The following PID1 variants were observed in gnomAD, a reference collection of about 807,000 sequenced individuals.
PID1 encodes the protein PTB-containing, cubilin and LRP1-interacting protein.
PID1 carries 10 observed loss-of-function variants against 19.1 expected under a neutral mutation model. The observed-to-expected ratio is 0.52, with a 90% CI of 0.32 to 0.89. The LOEUF is 0.89. Among genes scored for constraint, PID1 ranks in the 40% least tolerant of loss-of-function variants. The pLI is 0.03. For synonymous variants in PID1, 130 were observed against 116.0 expected (o/e 1.12, Z -0.78); for missense variants, 248 against 285.3 (o/e 0.87, Z 0.94).
chr2:229,175,836 G>A (rs781031559), intron 1 of PID1, among the ~76,000 whole-genome samples: 15 of 152,036 alleles, frequency 9.9e-5, no homozygotes, highest in Non-Finnish European at 1.6e-4. Flanking sequence ...GCATCCATTC[G>A]CCACATTTAA....
chr2:229,133,409 C>T (rs1487700601), intron 2 of PID1, among the ~76,000 whole-genome samples: 3 of 152,244 alleles, frequency 2.0e-5, no homozygotes, highest in East Asian at 1.9e-4. Flanking sequence ...AGTCCTCCTA[C>T]GGCAATCACC....
intron 1 of PID1, among the ~76,000 whole-genome samples, chr2:229,200,689 T>C (rs1691480959): frequency 6.6e-6 from 1 of 152,082 alleles, no homozygotes; most frequent in South Asian, 2.1e-4. Context: ...TTTTTCATGA[T>C]TTAATTTACC....
At chr2:229,105,171 T>G (rs1276576080) in intron 2 of PID1, among the ~76,000 whole-genome samples, 2 of 152,206 alleles carry the variant, frequency 1.3e-5, no homozygotes, top group Admixed American at 6.5e-5. Context: ...ATCACATAAT[T>G]TATCTCCATT....
intron 2 of PID1, among the ~76,000 whole-genome samples, chr2:229,121,266 A>G (rs531339530): frequency 5.6e-4 from 85 of 152,306 alleles, no homozygotes; most frequent in African/African-American, 2.0e-3. Flanking sequence ...GGTCTCAGAC[A>G]GTAATTTTTG....
intron 2 of PID1, among the ~76,000 whole-genome samples, chr2:229,127,975 T>C (rs1695657796): frequency 6.6e-6 from 1 of 152,176 alleles, no homozygotes; most frequent in Non-Finnish European, 1.5e-5. Flanking sequence ...TCAAGAACAT[T>C]TGCTTCCTTC....
chr2:229,200,457 C>T (rs990361635), intron 1 of PID1, among the ~76,000 whole-genome samples: 4 of 152,006 alleles, frequency 2.6e-5, no homozygotes, highest in African/African-American at 9.7e-5. Context: ...CCTCCTCTGC[C>T]TGTTGAGTTA....
chr2:229,124,980 T>C (rs982228361), intron 2 of PID1, among the ~76,000 whole-genome samples: 1 of 152,230 alleles, frequency 6.6e-6, no homozygotes, highest in Admixed American at 6.5e-5. Context: ...TAAATGTCTA[T>C]ACGTGTGTGA....
chr2:229,078,095 T>A lies in PID1; in HGVS notation c.178-51987A>T, dbSNP rs551575217. 1.7e-3 allele frequency among the ~76,000 whole-genome samples: 260 copies of A among 152,298 alleles called. 1 individual carries two copies. Among genetic ancestry groups the A allele is most frequent in the African/African-American group, 6.1e-3 (252 of 41,566 alleles). ...ATGTCCTTGAGCAGTGGTTTGTAGT[T>A]CTCCTTGAAGGGGACCTTCACATCC... On this transcript the variant is annotated intron_variant, in intron 2 of 2. Coordinates refer to ENST00000392055, the MANE Select transcript of PID1 (RefSeq NM_001100818.2).
At chr2:229,193,778 T>A (rs1691314281) in intron 1 of PID1, among the ~76,000 whole-genome samples, 1 of 150,502 alleles carries the variant, frequency 6.6e-6, no homozygotes, top group African/African-American at 2.4e-5. Context: ...ATCGTAGCCT[T>A]ATTGGGAAAA....
chr2:229,033,678 TA>T lies in PID1; in HGVS notation c.178-7571del, dbSNP rs1483645065. The stretch of plus-strand genomic sequence containing the variant: ...CATGTATCCCAGAACTGAAATATAA[TA>T]AAAAAATTAAAAAAATATTTTACTG... On this transcript the variant is annotated intron_variant, in intron 2 of 2. Transcript: ENST00000392055. Among the ~76,000 whole-genome samples the T allele has an allele frequency of 3.3e-5, 5 of 152,110 alleles. No homozygotes were observed. The East Asian group carries it at 9.7e-4, about 29-fold the overall frequency.
At chr2:229,032,105 C>G (rs1693566982) in intron 2 of PID1, among the ~76,000 whole-genome samples, 1 of 152,116 alleles carries the variant, frequency 6.6e-6, no homozygotes, top group South Asian at 2.1e-4. Context: ...AACCATGCCC[C>G]CTGTGTATTT....
At chr2:229,031,298 C>T (rs975727129) in intron 2 of PID1, among the ~76,000 whole-genome samples, 1 of 151,236 alleles carries the variant, frequency 6.6e-6, no homozygotes, top group African/African-American at 2.4e-5. Context: ...TGGCTCAGGC[C>T]TGTAATCCCA....
chr2:229,102,479 G>T (rs1324226534), intron 2 of PID1, among the ~76,000 whole-genome samples: 1 of 152,180 alleles, frequency 6.6e-6, no homozygotes, highest in Non-Finnish European at 1.5e-5. Flanking sequence ...ACAGGTAAAA[G>T]GAGGAAAGCG....
At chr2:229,048,056 G>T (rs1188929129) in intron 2 of PID1, among the ~76,000 whole-genome samples, 1 of 152,200 alleles carries the variant, frequency 6.6e-6, no homozygotes, top group Non-Finnish European at 1.5e-5. Context: ...GAGCCTCAGA[G>T]TGGCAGATGA....
chr2:229,172,387 C>T (rs2106210542), intron 1 of PID1, among the ~76,000 whole-genome samples: 1 of 152,244 alleles, frequency 6.6e-6, no homozygotes, highest in African/African-American at 2.4e-5. Flanking sequence ...ATCAAGGTTC[C>T]AACAGTGCCA....
chr2:229,078,041 T>A (rs3009143), intron 2 of PID1, among the ~76,000 whole-genome samples: 1 of 152,204 alleles, frequency 6.6e-6, no homozygotes. Flanking sequence ...GTGCATGGAA[T>A]GTTATTCCAT....
At chr2:229,033,164 C>T (rs1693591346) in intron 2 of PID1, among the ~76,000 whole-genome samples, 1 of 152,158 alleles carries the variant, frequency 6.6e-6, no homozygotes, top group African/African-American at 2.4e-5. Context: ...ACCTGACTCA[C>T]CTCACGCTAG....
chr2:229,159,423 A>G (rs960540412), intron 1 of PID1, among the ~76,000 whole-genome samples: 3 of 152,204 alleles, frequency 2.0e-5, no homozygotes, highest in Non-Finnish European at 4.4e-5. Context: ...AGTAAGCTAG[A>G]TAATTAGGGC....
intron 2 of PID1, among the ~76,000 whole-genome samples, chr2:229,050,560 GT>G (rs1693973703): frequency 1.3e-5 from 2 of 152,132 alleles, no homozygotes; most frequent in Admixed American, 6.5e-5. Context: ...TCACAGCATG[GT>G]AGCTGCCAAA....
Sources: allele counts gnomAD v4.1 joint callset (sites outside exome capture counted in the v4.1 genomes callset), GRCh38; gene constraint gnomAD v4.1.1; transcripts MANE v1.5; gene names NCBI Gene and HGNC (gene_info 2026-07-23, HGNC 2026-07-21).